The following AFG1L variants were observed in gnomAD, a reference collection of about 807,000 sequenced individuals.
AFG1L encodes AFG1-like ATPase.
A neutral mutation model predicts 62.2 loss-of-function variants in AFG1L; 53 were observed. The observed-to-expected ratio is 0.85, with a 90% confidence interval of 0.68 to 1.07. The LOEUF (loss-of-function observed/expected upper bound fraction) is 1.07, where lower values mean the gene tolerates loss of function less well. Among genes scored for constraint, AFG1L ranks in the 50% least tolerant of loss-of-function variants. The pLI is 0.00. For missense variants in AFG1L, 555 were observed against 590.5 expected (o/e 0.94, Z 0.62); for synonymous variants, 228 against 210.3 (o/e 1.08, Z -0.73).
intron 7 of AFG1L, among the ~76,000 whole-genome samples, chr6:108,431,555 A>G (rs1771072090): frequency 6.6e-6 from 1 of 151,358 alleles, no homozygotes; most frequent in Non-Finnish European, 1.5e-5. Flanking sequence ...GGTGTTACAC[A>G]GTAGCAGTTG....
chr6:108,371,328 G>A (rs947476319), intron 6 of AFG1L, among the ~76,000 whole-genome samples: 3 of 152,100 alleles, frequency 2.0e-5, no homozygotes, highest in Non-Finnish European at 2.9e-5. Flanking sequence ...TACAATCCCA[G>A]CTTTTTGGGA....
intron 10 of AFG1L, among the ~76,000 whole-genome samples, chr6:108,509,219 A>C (rs1045228131): frequency 3.9e-5 from 6 of 152,238 alleles, no homozygotes; most frequent in African/African-American, 1.4e-4. Flanking sequence ...CAAGCACTTT[A>C]CATCTGTAGG....
At chr6:108,365,340 T>A (rs778748606) in intron 5 of AFG1L, among the ~76,000 whole-genome samples, 6 of 152,184 alleles carry the variant, frequency 3.9e-5, no homozygotes, top group Non-Finnish European at 8.8e-5. Context: ...TTAAGCTTAC[T>A]TCGTAATTGT....
intron 7 of AFG1L, among the ~76,000 whole-genome samples, chr6:108,411,087 C>A (rs1782088005): frequency 6.6e-6 from 1 of 152,028 alleles, no homozygotes; most frequent in South Asian, 2.1e-4. Context: ...TTTCCAACGG[C>A]CTTAGCAAAC....
chr6:108,349,873 C>T (rs1779013059), intron 3 of AFG1L, among the ~76,000 whole-genome samples: 1 of 151,696 alleles, frequency 6.6e-6, no homozygotes, highest in Non-Finnish European at 1.5e-5. Context: ...GTTGAGATTG[C>T]ACCACTGCAC....
At chr6:108,494,106 G>A (rs922961231) in intron 10 of AFG1L, among the ~76,000 whole-genome samples, 3 of 152,092 alleles carry the variant, frequency 2.0e-5, no homozygotes, top group African/African-American at 4.8e-5. Context: ...ACAGGTGTGA[G>A]TCACCACACC....
intron 7 of AFG1L, among the ~76,000 whole-genome samples, chr6:108,440,769 T>C (rs1027346964): frequency 6.7e-6 from 1 of 148,992 alleles, no homozygotes; most frequent in Non-Finnish European, 1.5e-5. Flanking sequence ...TGCAGTGAGC[T>C]GAGATCATGC....
chr6:108,337,704 A>G (rs1741308315), intron 2 of AFG1L, among the ~76,000 whole-genome samples: 2 of 152,252 alleles, frequency 1.3e-5, no homozygotes, highest in South Asian at 4.1e-4. Flanking sequence ...AGTTAAGTAG[A>G]AACCTAAATT....
chr6:108,418,660 C>A (rs1346956736), intron 7 of AFG1L, among the ~76,000 whole-genome samples: 3 of 152,082 alleles, frequency 2.0e-5, no homozygotes, highest in Non-Finnish European at 4.4e-5. Flanking sequence ...GATTCGGTAT[C>A]AATTTCAGAT....
At chr6:108,347,317 C>A (rs1778902753) in intron 3 of AFG1L, among the ~76,000 whole-genome samples, 1 of 152,152 alleles carries the variant, frequency 6.6e-6, no homozygotes, top group African/African-American at 2.4e-5. Context: ...GGAAGGAAAT[C>A]AACTACAGAT....
At chr6:108,396,192 T>C (rs986341745) in intron 6 of AFG1L, among the ~76,000 whole-genome samples, 5 of 152,108 alleles carry the variant, frequency 3.3e-5, no homozygotes, top group African/African-American at 1.2e-4. Flanking sequence ...AGAATGACTT[T>C]TAAAAGGAAT....
chr6:108,399,110 G>T (rs887642026), intron 6 of AFG1L, among the ~76,000 whole-genome samples: 2 of 147,564 alleles, frequency 1.4e-5, no homozygotes, highest in Non-Finnish European at 3.0e-5. Context: ...TTGTGTTTGT[G>T]CCCTCTTTAA....
intron 7 of AFG1L, among the ~76,000 whole-genome samples, chr6:108,414,280 A>G (rs1008164055): frequency 2.0e-5 from 3 of 152,216 alleles, no homozygotes; most frequent in Non-Finnish European, 4.4e-5. Flanking sequence ...GCAAAAATTA[A>G]TAGCCTACCA....
At chr6:108,350,976 A>G (rs1489451691) in intron 3 of AFG1L, among the ~76,000 whole-genome samples, 1 of 152,228 alleles carries the variant, frequency 6.6e-6, no homozygotes, top group African/African-American at 2.4e-5. Context: ...AAACCTGTGC[A>G]GCATGTTACT....
intron 7 of AFG1L, among the ~76,000 whole-genome samples, chr6:108,445,227 T>G (rs1345051861): frequency 6.6e-6 from 1 of 152,218 alleles, no homozygotes; most frequent in Admixed American, 6.5e-5. Flanking sequence ...CTTCATAGAA[T>G]TGAAGGGAGT....
intron 6 of AFG1L, among the ~76,000 whole-genome samples, chr6:108,401,618 AGG>A (rs1781620329): frequency 6.6e-6 from 1 of 152,140 alleles, no homozygotes. Context: ...GATTGAGAAA[AGG>A]AGAGAATTTT....
intron 1 of AFG1L, among the ~76,000 whole-genome samples, chr6:108,321,447 G>A (rs1490219657): frequency 5.3e-5 from 8 of 152,160 alleles, no homozygotes; most frequent in Admixed American, 3.3e-4. Flanking sequence ...GGGTCAGTGC[G>A]TGGGGCTGAA....
At chr6:108,474,106 T>C (rs1202294995) in intron 8 of AFG1L, among the ~76,000 whole-genome samples, 2 of 152,234 alleles carry the variant, frequency 1.3e-5, no homozygotes, top group South Asian at 4.1e-4. Context: ...ATTGTTCAGC[T>C]TCCACTTTAG....
intron 7 of AFG1L, among the ~76,000 whole-genome samples, chr6:108,416,438 G>C (rs975212160): frequency 3.9e-5 from 6 of 152,168 alleles, no homozygotes; most frequent in African/African-American, 1.4e-4. Context: ...ATACCCAAAG[G>C]ATTATAAATC....
Sources: gnomAD v4.1 joint callset for allele counts (sites outside exome capture counted in the v4.1 genomes callset) on GRCh38, gnomAD v4.1.1 for gene constraint, MANE v1.5 for transcripts, NCBI Gene and HGNC (gene_info 2026-07-23, HGNC 2026-07-21) for gene names.